GREB1L: variants seen among roughly 807,000 people sequenced by gnomAD.
GREB1L encodes the protein GREB1-like protein.
Under a neutral mutation model 200.8 loss-of-function variants are expected in GREB1L, and 17 were observed. That is an observed-to-expected ratio of 0.08 (90% CI 0.06 to 0.13). The LOEUF (loss-of-function observed/expected upper bound fraction) is 0.13, where lower values mean the gene tolerates loss of function less well. GREB1L is among the 10% of genes least tolerant of loss of function. GREB1L has a pLI of 1.00. For missense variants in GREB1L, 1,657 were observed against 2,367.7 expected (o/e 0.70, Z 6.23); for synonymous variants, 789 against 893.0 (o/e 0.88, Z 2.08).
intron 1 of GREB1L, among the ~76,000 whole-genome samples, chr18:21,284,017 C>T (rs757776687): frequency 3.9e-5 from 6 of 152,112 alleles, no homozygotes; most frequent in Middle Eastern, 3.2e-3. Flanking sequence ...TCCTTCTCAC[C>T]CCACTTCAGT....
chr18:21,313,583 T>G (rs1024608878), intron 1 of GREB1L, among the ~76,000 whole-genome samples: 25 of 152,226 alleles, frequency 1.6e-4, no homozygotes, highest in Admixed American at 1.1e-3. Context: ...CACCCCATGA[T>G]GTAGGACAGC....
rs770676799 is a variant in GREB1L at position 21,522,786 on chromosome 18, A to G, written c.5737A>G (p.Lys1913Glu). Residue 1913 changes from lysine (K) to glutamate (E), a missense_variant, in exon 33 of 33, where the codon AAG (lysine) becomes GAG (glutamate). Physicochemically the swap from Lys to Glu is moderately conservative, Grantham distance 56 (BLOSUM62 1). Transcript: ENST00000424526. ...TCAAACTGCTAACAGCAGTGATGAC[A>G]AGCCTCTCTACTTTCTTACTGGACG... ...EFQTANSSDDKPLYFLTGRHV is the reference protein window; with the variant it reads ...EFQTANSSDDEPLYFLTGRHV The G allele has an allele frequency of 9.7e-6, 15 of 1,551,522 alleles. No individual in the cohort carries two copies. Among genetic ancestry groups the G allele is most frequent in the Non-Finnish European group, 1.2e-5 (14 of 1,146,962 alleles).
intron 16 of GREB1L, among the ~76,000 whole-genome samples, chr18:21,475,823 G>A (rs182713027): frequency 6.6e-6 from 1 of 151,930 alleles, no homozygotes; most frequent in African/African-American, 2.4e-5. Flanking sequence ...AAAAAAATTA[G>A]CTGGGCGTGG....
At chr18:21,362,713 TA>T (rs2039597971) in intron 1 of GREB1L, among the ~76,000 whole-genome samples, 1 of 152,234 alleles carries the variant, frequency 6.6e-6, no homozygotes, top group Non-Finnish European at 1.5e-5. Context: ...TTTTTGTTTT[TA>T]TGTTCTTCGA....
At chr18:21,390,887 A>G (rs958006728) in intron 4 of GREB1L, among the ~76,000 whole-genome samples, 3 of 152,212 alleles carry the variant, frequency 2.0e-5, no homozygotes, top group Non-Finnish European at 2.9e-5. Flanking sequence ...ATTTTAATAC[A>G]AAAAAGCCTT....
At chr18:21,394,131 T>C (rs1361012235) in intron 4 of GREB1L, among the ~76,000 whole-genome samples, 2 of 152,206 alleles carry the variant, frequency 1.3e-5, no homozygotes, top group African/African-American at 2.4e-5. Context: ...ATGCTCTCCT[T>C]GGCTCCATGT....
At position 21,449,614 on chromosome 18, in the gene GREB1L, G is replaced by C; in HGVS notation, c.1498G>C (p.Val500Leu). ...AGCCCTGCAGATAGGTGCTCAGTGT[G>C]TCCCTGTGTCACCAGGACAACTCCC... ...ERALQIGAQC[V>L]PVSPGQLPWL... is the part of the protein sequence containing the mutation. The change falls in exon 12 of 33, where the codon GTC becomes CTC. Residue 500 changes from valine (V) to leucine (L), a missense_variant. By Grantham distance (32) the Val-to-Leu change is conservative (BLOSUM62 1). Transcript: ENST00000424526. 2 of 1,551,168 alleles carry C rather than the reference G, an allele frequency of 1.3e-6. No individual in the cohort carries two copies. The highest frequency in any genetic ancestry group is 2.7e-5 in the African/African-American group (2 of 73,144).
chr18:21,394,542 T>C (rs1036342732), intron 4 of GREB1L, among the ~76,000 whole-genome samples: 16 of 152,184 alleles, frequency 1.1e-4, no homozygotes, highest in African/African-American at 3.1e-4. Flanking sequence ...TATAATACAT[T>C]ATGATATACA....
At chr18:21,392,386 G>A (rs1159538745) in intron 4 of GREB1L, among the ~76,000 whole-genome samples, 1 of 151,936 alleles carries the variant, frequency 6.6e-6, no homozygotes, top group Non-Finnish European at 1.5e-5. Flanking sequence ...TGTATCCATA[G>A]GCTCCAAAAA....
At chr18:21,327,596 A>G (rs1409273247) in intron 1 of GREB1L, among the ~76,000 whole-genome samples, 1 of 151,334 alleles carries the variant, frequency 6.6e-6, no homozygotes, top group Non-Finnish European at 1.5e-5. Context: ...TGAAAAGCAC[A>G]TTTGATCACA....
rs1490605749 is a variant in GREB1L at position 21,524,924 on chromosome 18, A to G, written c.*2103A>G. 1 of 151,828 alleles carries G rather than the reference A, an allele frequency of 6.6e-6. No homozygotes were observed. Among genetic ancestry groups the G allele is most frequent in the African/African-American group, 2.4e-5 (1 of 41,394 alleles). 9.4% of individuals were successfully genotyped at this position (151,828 alleles called of 1,614,324 possible). On this transcript the variant is annotated 3_prime_UTR_variant, in exon 33 of 33. Transcript: ENST00000424526. ...CTTACTAATGTTTGGATCTTTTAAA[A>G]TCATCTTATCATCAGTATAATTCTT...
intron 1 of GREB1L, among the ~76,000 whole-genome samples, chr18:21,338,314 T>A (rs2039218570): frequency 6.6e-6 from 1 of 152,250 alleles, no homozygotes; most frequent in Non-Finnish European, 1.5e-5. Context: ...AGCTAGACTT[T>A]GTGAGAAACA....
chr18:21,437,609 ATAAT>A (rs1289615809), intron 7 of GREB1L, among the ~76,000 whole-genome samples: 3 of 152,168 alleles, frequency 2.0e-5, no homozygotes, highest in African/African-American at 7.2e-5. Context: ...TCTATATCTA[ATAAT>A]TAGTTTATTA....
At chr18:21,375,150 C>T (rs1228774975) in intron 2 of GREB1L, among the ~76,000 whole-genome samples, 14 of 151,946 alleles carry the variant, frequency 9.2e-5, no homozygotes, top group Non-Finnish European at 1.3e-4. Context: ...TGCAAACCTC[C>T]GCCTCCTGGG....
intron 7 of GREB1L, among the ~76,000 whole-genome samples, chr18:21,424,760 C>T (rs1034853505): frequency 1.3e-5 from 2 of 152,166 alleles, no homozygotes; most frequent in Non-Finnish European, 2.9e-5. Context: ...CAGTAAATTT[C>T]AGAACATTTT....
chr18:21,356,003 T>C (rs1216306589), intron 1 of GREB1L, among the ~76,000 whole-genome samples: 16 of 148,166 alleles, frequency 1.1e-4, no homozygotes, highest in African/African-American at 4.0e-4. Flanking sequence ...TTTTTTTTTT[T>C]TGAGATGGCG....
chr18:21,471,845 T>C (rs2145674677), intron 15 of GREB1L, among the ~76,000 whole-genome samples: 1 of 152,264 alleles, frequency 6.6e-6, no homozygotes, highest in African/African-American at 2.4e-5. Context: ...GGTCTGGAAC[T>C]CCTGGCCTCA....
rs1176999137 is a variant in GREB1L at position 21,477,201 on chromosome 18, C to T, written c.2401C>T (p.His801Tyr). The T allele has an allele frequency of 3.2e-6, 5 of 1,552,028 alleles. No individual in the cohort carries two copies. Among genetic ancestry groups the T allele is most frequent in the African/African-American group, 2.7e-5 (2 of 73,178 alleles). ...SGSLSHSEPS[H>Y]GLADRVINCR... The stretch of plus-strand genomic sequence containing the variant: ...CTCTTTGTCACATAGCGAACCCAGT[C>T]ATGGGCTAGCTGATAGAGTCATTAA... The change falls in exon 17 of 33, where the codon CAT becomes TAT. Residue 801 changes from histidine to tyrosine, a missense_variant. Physicochemically the swap from His to Tyr is moderately conservative, Grantham distance 83. This residue lies in a region of GREB1L where 239 missense variants were observed against 421.8 expected (regional missense o/e 0.57). Coordinates refer to ENST00000424526, the MANE Select transcript of GREB1L (RefSeq NM_001142966.3).
At chr18:21,335,257 T>G (rs1036799242) in intron 1 of GREB1L, among the ~76,000 whole-genome samples, 58 of 152,262 alleles carry the variant, frequency 3.8e-4, no homozygotes, top group Non-Finnish European at 1.2e-4. Context: ...CTTTGGAGCC[T>G]AGCCTTTTTG....
Sources: gnomAD v4.1 joint callset for allele counts (sites outside exome capture counted in the v4.1 genomes callset) on GRCh38, gnomAD v4.1.1 for gene constraint, gnomAD v4.1.1 regional missense constraint, MANE v1.5 for transcripts, NCBI Gene and HGNC (gene_info 2026-07-23, HGNC 2026-07-21) for gene names.